The following PCDHGA10 variants were observed in gnomAD, a reference collection of about 807,000 sequenced individuals.
PCDHGA10 encodes the protein protocadherin gamma-A10.
PCDHGA10 carries 42 observed loss-of-function variants against 59.5 expected under a neutral mutation model. The ratio of observed to expected loss-of-function variants is 0.71; its 90% CI spans 0.55 to 0.91. PCDHGA10 has a LOEUF of 0.91. Among genes scored for constraint, PCDHGA10 ranks in the 40% least tolerant of loss-of-function variants. The pLI, the probability that PCDHGA10 is intolerant of heterozygous loss-of-function variation, is 0.00. For synonymous variants in PCDHGA10, 511 were observed against 517.2 expected, an observed-to-expected ratio of 0.99 and a Z score of 0.16; for missense variants, 1,111 against 1,198.2, an observed-to-expected ratio of 0.93 and a Z score of 1.07.
chr5:141,454,580 ATT>A (rs1392342692), intron 1 of PCDHGA10, among the ~76,000 whole-genome samples: 2 of 151,234 alleles, frequency 1.3e-5, no homozygotes, highest in Non-Finnish European at 2.9e-5. Context: ...CTAATTTTGT[ATT>A]TTTAGTAGAG....
Position 141,419,025 on chromosome 5 carries a change from G to T in PCDHGA10, c.2436+3414G>T, listed in dbSNP as rs2096315076. 6.2e-6 allele frequency: 10 copies of T among 1,613,736 alleles called. No homozygotes were observed. In the East Asian group the frequency reaches 2.0e-4, roughly 32 times the overall value. On this transcript the variant is annotated intron_variant, in intron 1 of 3. Transcript: ENST00000398610. ...GAAGTCAGGTGTAGCTTAAGTAGAG[G>T]TGTTCCATTTAAGATTCATTCTTCT...
intron 1 of PCDHGA10, among the ~76,000 whole-genome samples, chr5:141,484,730 G>T (rs1231473842): frequency 6.6e-6 from 1 of 151,728 alleles, no homozygotes; most frequent in Non-Finnish European, 1.5e-5. Context: ...GGGGTCAGTC[G>T]GTGTGTTAGG....
At chr5:141,504,065 G>C (rs1291060280) in intron 2 of PCDHGA10, among the ~76,000 whole-genome samples, 2 of 152,060 alleles carry the variant, frequency 1.3e-5, no homozygotes, top group African/African-American at 2.4e-5. Context: ...AAACTTCTCT[G>C]AGCCAGATGG....
chr5:141,426,873 C>T (rs1299082117), intron 1 of PCDHGA10: 1 of 456,702 alleles, frequency 2.2e-6, no homozygotes, highest in East Asian at 6.9e-5. Context: ...GCTGGAGAAG[C>T]CCCTGGGCCA....
intron 1 of PCDHGA10, chr5:141,441,855 G>T (rs1210416963): frequency 2.8e-6 from 1 of 351,872 alleles, no homozygotes; most frequent in Admixed American, 4.0e-5. Context: ...ATATGGTGCT[G>T]CACGCCGCGG....
rs1460626002 is a variant in PCDHGA10, at chr5:141,486,935, C to A, written c.2437-7872C>A. ...ACTGCCTCCATCAGTTGGTGCTGGC[C>A]ACCTAATCACAAAGGTGACTGCTGT... On this transcript the variant is annotated intron_variant, in intron 1 of 3. Transcript: ENST00000398610. This position sits in a 1 kb window ranked among gnomAD's most constrained non-coding sequence, Gnocchi z 5.0. 5 of 1,614,228 alleles carry A rather than the reference C, an allele frequency of 3.1e-6. No individual in the cohort carries two copies. The highest frequency in any genetic ancestry group is 4.2e-6 in the Non-Finnish European group (5 of 1,180,038).
chr5:141,476,699 G>C lies in PCDHGA10; in HGVS notation c.2437-18108G>C. 1 of 1,614,222 alleles carries C rather than the reference G, an allele frequency of 6.2e-7. No individual in the cohort carries two copies. The highest frequency in any genetic ancestry group is 8.5e-7 in the Non-Finnish European group (1 of 1,180,042). ...GCGGGAGGACAGCACCAAGTACGCG[G>C]AGCTGGTGTTGGAGCGCGCCCTGGA... is the stretch of plus-strand genomic sequence containing the variant. On this transcript the variant is annotated intron_variant, in intron 1 of 3. Transcript: ENST00000398610. The surrounding 1 kb of genome is among the most constrained non-coding windows in gnomAD (Gnocchi z 7.6).
intron 1 of PCDHGA10, among the ~76,000 whole-genome samples, chr5:141,425,864 A>T (rs2096899427): frequency 6.6e-6 from 1 of 152,254 alleles, no homozygotes; most frequent in African/African-American, 2.4e-5. Flanking sequence ...TGTTCTATAG[A>T]TTCCCATCTC....
chr5:141,464,063 A>G (rs893270944), intron 1 of PCDHGA10, among the ~76,000 whole-genome samples: 2 of 152,016 alleles, frequency 1.3e-5, no homozygotes, highest in Non-Finnish European at 2.9e-5. Flanking sequence ...TCAGGAGTTC[A>G]AGGCCAGCCT....
At chr5:141,462,043 G>C (rs1310987622) in intron 1 of PCDHGA10, among the ~76,000 whole-genome samples, 1 of 152,100 alleles carries the variant, frequency 6.6e-6, no homozygotes, top group Non-Finnish European at 1.5e-5. Flanking sequence ...GGCGGGTCTT[G>C]AACTCCCGAC....
Position 141,490,800 on chromosome 5 carries a change from TACCTTTG to T in PCDHGA10, c.2437-4004_2437-3998del, listed in dbSNP as rs763340907. Reference sequence around the variant, plus strand: ...AGGATGGACGGATCTTTGCCCAGCGTACCTTTGACTATGAATTGCTGCAGATGCTGCA... The same window carrying T: ...AGGATGGACGGATCTTTGCCCAGCGTACTATGAATTGCTGCAGATGCTGCA... On this transcript the variant is annotated intron_variant, in intron 1 of 3. Transcript: ENST00000398610. The surrounding 1 kb of genome is among the most constrained non-coding windows in gnomAD (Gnocchi z 5.4). 2.5e-6 allele frequency: 4 copies of T among 1,613,968 alleles called. No homozygotes were observed. The highest frequency in any genetic ancestry group is 1.7e-6 in the Non-Finnish European group (2 of 1,179,894).
intron 1 of PCDHGA10, among the ~76,000 whole-genome samples, chr5:141,435,743 G>T (rs3805699): frequency 0.11 from 17,212 of 152,168 alleles, 1,160 homozygotes; most frequent in African/African-American, 0.18. Context: ...TCTTTGAAAA[G>T]CATTGCTTGA....
chr5:141,477,220 G>A lies in PCDHGA10; in HGVS notation c.2437-17587G>A. 24 of 1,614,190 alleles carry A rather than the reference G, an allele frequency of 1.5e-5. No individual in the cohort carries two copies. The highest frequency in any genetic ancestry group is 1.9e-5 in the Non-Finnish European group (23 of 1,180,040). ...CAGTACCCGAGGATGCCCCTCTGGG[G>A]ACTGTCATCGCTTTGCTCAGTGTGA... is the stretch of plus-strand genomic sequence containing the variant. On this transcript the variant is annotated intron_variant, in intron 1 of 3. Coordinates refer to ENST00000398610, the MANE Select transcript of PCDHGA10 (RefSeq NM_018913.3). The surrounding 1 kb of genome is among the most constrained non-coding windows in gnomAD (Gnocchi z 4.9).
intron 3 of PCDHGA10, among the ~76,000 whole-genome samples, chr5:141,507,590 T>C (rs531629336): frequency 1.3e-5 from 2 of 152,374 alleles, no homozygotes; most frequent in African/African-American, 4.8e-5. Context: ...AGTTGGCCTC[T>C]TGAGGGAAAT....
intron 1 of PCDHGA10, among the ~76,000 whole-genome samples, chr5:141,463,460 T>TTTC (rs1554144872): frequency 7.4e-6 from 1 of 136,038 alleles, no homozygotes; most frequent in South Asian, 2.5e-4. Context: ...TTTTTTTTTT[T>TTTC]TTTTTTGAGA....
chr5:141,510,448 C>T (rs1339979584), intron 3 of PCDHGA10, among the ~76,000 whole-genome samples: 1 of 152,016 alleles, frequency 6.6e-6, no homozygotes, highest in Non-Finnish European at 1.5e-5. Context: ...TCCAGGAGCC[C>T]ATGGTCTAGT....
In PCDHGA10 at chr5:141,420,274, GGTAA is replaced by G. The variant is rs1362175190; in HGVS notation, c.2436+4667_2436+4670del. 5.9e-6 allele frequency: 9 copies of G among 1,525,426 alleles called. 1 individual carries two copies. The highest frequency in any genetic ancestry group is 2.1e-5 in the Admixed American group (1 of 48,284). 94.5% of individuals were successfully genotyped at this position (1,525,426 alleles called of 1,614,324 possible). On this transcript the variant is annotated intron_variant, in intron 1 of 3. Coordinates refer to ENST00000398610, the MANE Select transcript of PCDHGA10 (RefSeq NM_018913.3). ...AAGCAGATAAGAAGATTCTTAAACAGGTAAGTATTTAAAAATGTATTTAATCCTT... is the reference window on the plus strand; with the variant it reads ...AAGCAGATAAGAAGATTCTTAAACAGGTATTTAAAAATGTATTTAATCCTT...
In PCDHGA10 at chr5:141,487,715, C is replaced by T. The variant is rs1209272301; in HGVS notation, c.2437-7092C>T. 2.5e-6 allele frequency: 4 copies of T among 1,582,708 alleles called. No individual in the cohort carries two copies. The highest frequency in any genetic ancestry group is 1.8e-5 in the Admixed American group (1 of 54,696). The stretch of plus-strand genomic sequence containing the variant: ...GAGTACTGGCCTCTCAGTAAGTGCC[C>T]ATAGTGATGTCACCATTTTTGTAAG... On this transcript the variant is annotated intron_variant, in intron 1 of 3. Transcript: ENST00000398610. This position sits in a 1 kb window ranked among gnomAD's most constrained non-coding sequence, Gnocchi z 5.0.
In PCDHGA10 at chr5:141,478,818, C is replaced by T. The variant is rs980032138; in HGVS notation, c.2437-15989C>T. ...AGCACTCTTTTGCTATCACAACTAA[C>T]CAATCTTGCTAAGGGATGGTTAAGC... On this transcript the variant is annotated intron_variant, in intron 1 of 3. Transcript: ENST00000398610. The T allele has an allele frequency of 2.1e-5, 30 of 1,449,330 alleles. No individual in the cohort carries two copies. The African/African-American group carries it at 3.3e-4, about 16-fold the overall frequency. 89.8% of individuals were successfully genotyped at this position (1,449,330 alleles called of 1,614,324 possible). A position where few individuals can be genotyped will look rare whatever the true frequency, so the allele number is the denominator to read the frequency against.
Sources: gnomAD v4.1 joint callset for allele counts (sites outside exome capture counted in the v4.1 genomes callset) on GRCh38, gnomAD v4.1.1 for gene constraint, Gnocchi (gnomAD v3.1) non-coding constraint, MANE v1.5 for transcripts, NCBI Gene and HGNC (gene_info 2026-07-23, HGNC 2026-07-21) for gene names.